The following RASGRF1 variants were observed in gnomAD, a reference collection of about 807,000 sequenced individuals.
The protein encoded by RASGRF1 is Ras protein specific guanine nucleotide releasing factor 1.
A neutral mutation model predicts 138.7 loss-of-function variants in RASGRF1; 40 were observed. The observed-to-expected ratio is 0.29, with a 90% CI of 0.22 to 0.38. RASGRF1 has a LOEUF of 0.38. Ranked by LOEUF, RASGRF1 falls within the 10% of genes least tolerant of loss-of-function variation. The pLI, the probability that RASGRF1 is intolerant of heterozygous loss-of-function variation, is 1.00. For missense variants in RASGRF1, 1,108 were observed against 1,650.4 expected, an observed-to-expected ratio of 0.67 and a Z score of 5.69; for synonymous variants, 614 against 663.2, an observed-to-expected ratio of 0.93 and a Z score of 1.14.
chr15:79,012,377 C>G, intron 13 of RASGRF1: 2 of 810,436 alleles, frequency 2.5e-6, no homozygotes, highest in Non-Finnish European at 4.1e-6. Flanking sequence ...TGGACCTCGC[C>G]TGGATTACAC....
intron 13 of RASGRF1, among the ~76,000 whole-genome samples, chr15:79,014,999 T>C (rs1243207143): frequency 6.7e-6 from 1 of 150,134 alleles, no homozygotes; most frequent in Non-Finnish European, 1.5e-5. Context: ...TGGGGTTCAG[T>C]GTATACTGCT....
rs2057148353 is a variant in RASGRF1 at position 79,032,101 on chromosome 15, C to T, written c.1152+22G>A. 2.5e-6 allele frequency: 4 copies of T among 1,608,682 alleles called. No individual in the cohort carries two copies. Among genetic ancestry groups the T allele is most frequent in the East Asian group, 4.5e-5 (2 of 44,796 alleles). ...CACCTGCCTCCCTGACTCTACCCCA[C>T]CCAGGCAGGGCCGGACGCCACCTGG... On this transcript the variant is annotated intron_variant, in intron 7 of 26. Coordinates refer to ENST00000558480, the MANE Select transcript of RASGRF1 (RefSeq NM_001145648.3). The surrounding 1 kb of genome is among the most constrained non-coding windows in gnomAD (Gnocchi z 4.5).
intron 13 of RASGRF1, among the ~76,000 whole-genome samples, chr15:79,007,672 C>G (rs139500878): frequency 6.6e-6 from 1 of 151,440 alleles, no homozygotes; most frequent in South Asian, 2.1e-4. Context: ...CTGCCTTACC[C>G]TCCCCAGTAG....
At chr15:79,002,067 A>G (rs916514663) in intron 15 of RASGRF1, among the ~76,000 whole-genome samples, 3 of 152,136 alleles carry the variant, frequency 2.0e-5, no homozygotes, top group African/African-American at 7.2e-5. Context: ...GCAAATTCTG[A>G]TTCAGGGGTC....
At chr15:78,969,835 C>T (rs187401491) in intron 26 of RASGRF1, among the ~76,000 whole-genome samples, 14 of 152,072 alleles carry the variant, frequency 9.2e-5, no homozygotes, top group East Asian at 7.7e-4. Context: ...AACACAAGCT[C>T]GTGAGGGCCA....
rs150966515 is a variant in RASGRF1, at chr15:79,004,227, G to C, written c.2076-52C>G. On this transcript the variant is annotated intron_variant, in intron 14 of 26. Transcript: ENST00000558480. ...ACAGTTAGCGTAGGCCTGCCTGCCC[G>C]CCTAGGCCTGGGGGCCGTCTCCGGT... 3 of 1,506,536 alleles carry C rather than the reference G, an allele frequency of 2.0e-6. No homozygotes were observed. In the Admixed American group the frequency reaches 6.4e-5, roughly 32 times the overall value. The allele number at this position is 1,506,536 out of a possible 1,614,324, so 93.3% of individuals were successfully genotyped here. A position where few individuals can be genotyped will look rare whatever the true frequency, so the allele number is the denominator to read the frequency against.
Position 79,006,062 on chromosome 15 carries a change from C to A in RASGRF1, c.2075+124G>T. 7.2e-7 allele frequency: 1 copy of A among 1,389,768 alleles called. No individual in the cohort carries two copies. The highest frequency in any genetic ancestry group is 1.4e-5 in the African/African-American group (1 of 70,600). The allele number at this position is 1,389,768 out of a possible 1,614,324, so 86.1% of individuals were successfully genotyped here. ...AGTGGCGGTGTGTGTCCCGCAGCACCCCAACACGTTACTGCTGCTCCTCCA... is the reference window on the plus strand; with the variant it reads ...AGTGGCGGTGTGTGTCCCGCAGCACACCAACACGTTACTGCTGCTCCTCCA... On this transcript the variant is annotated intron_variant, in intron 14 of 26. Transcript: ENST00000558480. This position sits in a 1 kb window ranked among gnomAD's most constrained non-coding sequence, Gnocchi z 4.0.
intron 24 of RASGRF1, chr15:78,978,886 C>T (rs1456239385): frequency 8.1e-7 from 1 of 1,230,856 alleles, no homozygotes; most frequent in Middle Eastern, 2.4e-4. Context: ...CCACCTCTGC[C>T]CTGTGCTGCA....
intron 14 of RASGRF1, among the ~76,000 whole-genome samples, chr15:79,004,546 T>C (rs1337162421): frequency 6.6e-6 from 1 of 152,122 alleles, no homozygotes; most frequent in Non-Finnish European, 1.5e-5. Flanking sequence ...GCCTCATCCT[T>C]AGAGAGGTCC....
intron 1 of RASGRF1, among the ~76,000 whole-genome samples, chr15:79,065,181 A>C (rs1256386116): frequency 6.6e-6 from 1 of 152,230 alleles, no homozygotes; most frequent in African/African-American, 2.4e-5. Flanking sequence ...TAATTGCTGT[A>C]ATTAATGTGG....
chr15:79,039,905 GA>G (rs1237906366), intron 5 of RASGRF1, among the ~76,000 whole-genome samples: 2 of 152,000 alleles, frequency 1.3e-5, no homozygotes, highest in Non-Finnish European at 2.9e-5. Flanking sequence ...GAGAAGCTGG[GA>G]CTACAGGTGT....
At chr15:78,994,610 AC>A (rs1457630309) in intron 20 of RASGRF1, among the ~76,000 whole-genome samples, 1 of 152,184 alleles carries the variant, frequency 6.6e-6, no homozygotes, top group African/African-American at 2.4e-5. Context: ...TCTGGGGTGC[AC>A]ATCACTGACT....
At chr15:78,980,306 G>A (rs547343968) in intron 24 of RASGRF1, 122 of 220,508 alleles carry the variant, frequency 5.5e-4, no homozygotes, top group Admixed American at 1.0e-3. Flanking sequence ...TTATTAAAAT[G>A]TGAAAAGAAA....
At chr15:78,968,022 A>G (rs1369594720) in intron 26 of RASGRF1, among the ~76,000 whole-genome samples, 1 of 152,162 alleles carries the variant, frequency 6.6e-6, no homozygotes, top group Non-Finnish European at 1.5e-5. Context: ...CCCAGATCTA[A>G]CCGACATTCA....
chr15:78,999,882 G>A lies in RASGRF1; in HGVS notation c.2607C>T (p.Val869=), dbSNP rs766127449. Residue 869 remains valine, a synonymous_variant, in exon 17 of 27, where the codon GTC becomes GTT. Transcript: ENST00000558480. ...EFPLFSYNNG[V]VMTSCRELDN... is the part of the protein sequence containing the mutation. The stretch of plus-strand genomic sequence containing the variant: ...CCAGTTCACGACAGGAGGTCATGAC[G>A]ACTCCATTGTTATAGGAAAAGAGTG... 22 of 1,614,018 alleles carry A rather than the reference G, an allele frequency of 1.4e-5. No individual in the cohort carries two copies. The South Asian group carries it at 1.5e-4, about 11-fold the overall frequency.
intron 26 of RASGRF1, among the ~76,000 whole-genome samples, chr15:78,968,075 AT>A (rs924995806): frequency 1.5e-5 from 1 of 67,518 alleles, no homozygotes; most frequent in East Asian, 3.3e-4. Flanking sequence ...TTATTTTATT[AT>A]TTTTTTTTGA....
intron 5 of RASGRF1, among the ~76,000 whole-genome samples, chr15:79,041,113 G>T (rs2057292198): frequency 6.6e-6 from 1 of 152,256 alleles, no homozygotes; most frequent in Non-Finnish European, 1.5e-5. Context: ...TAGCATAGCT[G>T]CTGTTTTTGC....
intron 1 of RASGRF1, among the ~76,000 whole-genome samples, chr15:79,075,384 C>A (rs760654455): frequency 2.6e-5 from 4 of 152,116 alleles, no homozygotes; most frequent in Non-Finnish European, 5.9e-5. Flanking sequence ...CAGCGCATAC[C>A]TGGCCCCAGT....
chr15:79,073,148 A>G lies in RASGRF1; in HGVS notation c.277-8622T>C, dbSNP rs1009881109. The stretch of plus-strand genomic sequence containing the variant: ...ATATGTGATCAAGGATATAGGATAC[A>G]TTCAGATACAGGACCCGAGTCCAAG... On this transcript the variant is annotated intron_variant, in intron 1 of 26. Coordinates refer to ENST00000558480, the MANE Select transcript of RASGRF1 (RefSeq NM_001145648.3). This position sits in a 1 kb window ranked among gnomAD's most constrained non-coding sequence, Gnocchi z 4.2. Among the ~76,000 whole-genome samples, 1 of 152,052 alleles carries G rather than the reference A, an allele frequency of 6.6e-6. No homozygotes were observed. Among genetic ancestry groups the G allele is most frequent in the African/African-American group, 2.4e-5 (1 of 41,386 alleles).
Sources: allele counts gnomAD v4.1 joint callset (sites outside exome capture counted in the v4.1 genomes callset), GRCh38; gene constraint gnomAD v4.1.1; non-coding constraint Gnocchi (gnomAD v3.1); transcripts MANE v1.5; gene names NCBI Gene and HGNC (gene_info 2026-07-23, HGNC 2026-07-21).